The following STK24 variants were observed in gnomAD, a reference collection of about 807,000 sequenced individuals.
STK24 encodes the protein serine/threonine kinase 24, also known as serine/threonine-protein kinase 24.
In STK24, 21 loss-of-function variants were observed where a neutral mutation model predicts 55.6. That is an observed-to-expected ratio of 0.38 (90% CI 0.27 to 0.54). The LOEUF (loss-of-function observed/expected upper bound fraction) is 0.54. Among genes scored for constraint, STK24 ranks in the 20% least tolerant of loss-of-function variants. The pLI is 0.79. For synonymous variants in STK24, 200 were observed against 215.2 expected (o/e 0.93, Z 0.62); for missense variants, 383 against 538.4 (o/e 0.71, Z 2.86).
At chr13:98,526,105 T>C (rs936953914) in intron 1 of STK24, among the ~76,000 whole-genome samples, 3 of 152,148 alleles carry the variant, frequency 2.0e-5, no homozygotes, top group Admixed American at 6.5e-5. Flanking sequence ...ATTGGCAGTA[T>C]GCTGGGGTGA....
chr13:98,556,879 G>A (rs1786149473), intron 1 of STK24, among the ~76,000 whole-genome samples: 2 of 152,364 alleles, frequency 1.3e-5, no homozygotes, highest in East Asian at 1.9e-4. Context: ...TATTAGGTAT[G>A]TGGAGCTCAG....
Position 98,448,577 on chromosome 13 carries a change from A to G in STK24, c.*4596T>C, listed in dbSNP as rs144556758. 6.8e-6 allele frequency: 3 copies of G among 441,858 alleles called. No individual in the cohort carries two copies. The highest frequency in any genetic ancestry group is 4.5e-5 in the African/African-American group (2 of 44,934). The allele number at this position is 441,858 out of a possible 1,614,324, so 27.4% of individuals were successfully genotyped here. ...CCAGTATTAAAACATTGTCATTACGAGAGTGCCAAATGACATCTTCCCTCC... is the reference window on the plus strand; with the variant it reads ...CCAGTATTAAAACATTGTCATTACGGGAGTGCCAAATGACATCTTCCCTCC... On this transcript the variant is annotated 3_prime_UTR_variant, in exon 11 of 11. Coordinates refer to ENST00000539966, the MANE Select transcript of STK24 (RefSeq NM_001032296.4).
intron 1 of STK24, chr13:98,521,913 A>C: frequency 1.0e-6 from 1 of 1,004,064 alleles, no homozygotes; most frequent in Non-Finnish European, 1.6e-6. Context: ...TCTTCCATTC[A>C]CCCCTCTCTG....
chr13:98,478,086 C>T (rs1317748383), intron 3 of STK24, among the ~76,000 whole-genome samples: 3 of 152,328 alleles, frequency 2.0e-5, no homozygotes, highest in East Asian at 1.9e-4. Flanking sequence ...AAAGGGTATT[C>T]GGCTGCTGTC....
At chr13:98,457,465 CTTTT>C (rs11351684) in intron 9 of STK24, among the ~76,000 whole-genome samples, 161 bp from the exon 10 acceptor site, 39 of 110,792 alleles carry the variant, frequency 3.5e-4, no homozygotes, top group African/African-American at 8.5e-4. Flanking sequence ...CTTCAAATTG[CTTTT>C]TTTTTTTTTT....
chr13:98,556,022 A>G (rs149004984), intron 1 of STK24, among the ~76,000 whole-genome samples: 6 of 152,194 alleles, frequency 3.9e-5, no homozygotes, highest in African/African-American at 1.4e-4. Flanking sequence ...CTTTCTCTAG[A>G]TAAGGTCTTT....
chr13:98,477,946 C>T (rs1225761653), intron 3 of STK24, among the ~76,000 whole-genome samples: 2 of 152,178 alleles, frequency 1.3e-5, no homozygotes, highest in African/African-American at 2.4e-5. Context: ...TGGTTCTGCC[C>T]TTTTAAATCT....
chr13:98,551,285 CAAA>C (rs35925473), intron 1 of STK24, among the ~76,000 whole-genome samples: 1 of 119,748 alleles, frequency 8.4e-6, no homozygotes. Flanking sequence ...GACTCTGTCT[CAAA>C]AAAAAAAAAA....
At chr13:98,512,651 T>C (rs1262414024) in intron 2 of STK24, among the ~76,000 whole-genome samples, 2 of 151,686 alleles carry the variant, frequency 1.3e-5, no homozygotes, top group Admixed American at 1.3e-4. Context: ...ACTACTCTAA[T>C]GAACAAGGTC....
chr13:98,563,350 A>C (rs1168510629), intron 1 of STK24, among the ~76,000 whole-genome samples: 1 of 152,184 alleles, frequency 6.6e-6, no homozygotes, highest in African/African-American at 2.4e-5. Context: ...AGGAAATGCA[A>C]GTAGTTTCAC....
chr13:98,523,119 G>A (rs2139388938), intron 1 of STK24, among the ~76,000 whole-genome samples: 1 of 152,274 alleles, frequency 6.6e-6, no homozygotes, highest in African/African-American at 2.4e-5. Context: ...CCGGGGTGAG[G>A]GAGATGCTGC....
intron 9 of STK24, among the ~76,000 whole-genome samples, chr13:98,457,729 C>G (rs1380343857): frequency 6.6e-6 from 1 of 152,182 alleles, no homozygotes; most frequent in Non-Finnish European, 1.5e-5. Context: ...CTCGGCCTCT[C>G]AAAGTGTTGG....
intron 2 of STK24, among the ~76,000 whole-genome samples, chr13:98,503,172 C>A (rs1411031967): frequency 6.6e-6 from 1 of 151,728 alleles, no homozygotes; most frequent in East Asian, 1.9e-4. Context: ...TTAAAAAAAA[C>A]AAGTTAAAGA....
intron 1 of STK24, among the ~76,000 whole-genome samples, chr13:98,572,808 T>C (rs1897777096): frequency 6.6e-6 from 1 of 152,236 alleles, no homozygotes. Context: ...CAAAACATGG[T>C]AAATTAACCA....
chr13:98,520,588 T>C (rs1289625983), intron 1 of STK24, among the ~76,000 whole-genome samples: 1 of 152,052 alleles, frequency 6.6e-6, no homozygotes, highest in Non-Finnish European at 1.5e-5. Context: ...CAGAAGAGGG[T>C]ATCCAGAGTG....
chr13:98,501,778 G>A (rs1895473321), intron 2 of STK24, among the ~76,000 whole-genome samples: 4 of 152,166 alleles, frequency 2.6e-5, no homozygotes, highest in South Asian at 4.2e-4. Flanking sequence ...AGATAAGCAC[G>A]ATAAGCTGCT....
chr13:98,467,973 CTG>C (rs1431032688), intron 5 of STK24, among the ~76,000 whole-genome samples: 2 of 152,336 alleles, frequency 1.3e-5, no homozygotes, highest in African/African-American at 4.8e-5. Flanking sequence ...GCTGTTCTCA[CTG>C]TGCACTGGAA....
rs568888837 is a variant in STK24, at chr13:98,570,702, T to G, written c.42+6043A>C. ...AGTTTGTACCAAGCAAAGGCATATC[T>G]CAGTTTATTTCCCCTAATTTAAACC... On this transcript the variant is annotated intron_variant, in intron 1 of 10. Coordinates refer to ENST00000539966, the MANE Select transcript of STK24 (RefSeq NM_001032296.4). Among the ~76,000 whole-genome samples, 5 of 152,272 alleles carry G rather than the reference T, an allele frequency of 3.3e-5. No homozygotes were observed. In the South Asian group the frequency reaches 1.0e-3, roughly 32 times the overall value.
chr13:98,472,725 T>A (rs1050246680), intron 5 of STK24, among the ~76,000 whole-genome samples: 9 of 152,218 alleles, frequency 5.9e-5, no homozygotes, highest in African/African-American at 1.9e-4. Flanking sequence ...TAATCATCTC[T>A]ATTCATTCAT....
Sources: allele counts gnomAD v4.1 joint callset (sites outside exome capture counted in the v4.1 genomes callset), GRCh38; gene constraint gnomAD v4.1.1; transcripts MANE v1.5; gene names NCBI Gene and HGNC (gene_info 2026-07-23, HGNC 2026-07-21).